GALNT13: variants seen among roughly 807,000 people sequenced by gnomAD.
GALNT13 encodes polypeptide N-acetylgalactosaminyltransferase 13, also known as UDP-GalNAc:polypeptide N-acetylgalactosaminyltransferase 13.
Under a neutral mutation model 64.2 loss-of-function variants are expected in GALNT13, and 28 were observed. That is an observed-to-expected ratio of 0.44 (90% confidence interval 0.32 to 0.60). The LOEUF (loss-of-function observed/expected upper bound fraction) is 0.60, where lower values mean the gene tolerates loss of function less well. Among genes scored for constraint, GALNT13 ranks in the 20% least tolerant of loss-of-function variants. The pLI is 0.05. For missense variants in GALNT13, 577 were observed against 669.8 expected (o/e 0.86, Z 1.53); for synonymous variants, 214 against 224.6 (o/e 0.95, Z 0.42).
chr2:153,277,448 T>C, the GALNT13 span, among the ~76,000 whole-genome samples: 1 of 152,236 alleles, frequency 6.6e-6, no homozygotes, highest in African/African-American at 2.4e-5. Context: ...ATTTACCCAG[T>C]GCACCATTGA....
chr2:154,300,787 G>A (rs1693398119), intron 8 of GALNT13, among the ~76,000 whole-genome samples: 1 of 152,110 alleles, frequency 6.6e-6, no homozygotes, highest in Admixed American at 6.5e-5. Context: ...ATAAGGAAGT[G>A]AATAATTGTA....
chr2:153,443,567 C>T, the GALNT13 span, among the ~76,000 whole-genome samples: 15 of 152,168 alleles, frequency 9.9e-5, no homozygotes, highest in East Asian at 7.7e-4. Flanking sequence ...TTTTTATGTG[C>T]GGAGCACTCT....
chr2:153,892,840 G>A (rs1404846249), intron 1 of GALNT13, among the ~76,000 whole-genome samples: 1 of 151,850 alleles, frequency 6.6e-6, no homozygotes, highest in African/African-American at 2.4e-5. Flanking sequence ...CCTAATGTAT[G>A]CTAGCCAAAT....
chr2:153,854,128 T>C, the GALNT13 span, among the ~76,000 whole-genome samples: 7 of 151,912 alleles, frequency 4.6e-5, no homozygotes, highest in African/African-American at 1.7e-4. Flanking sequence ...AATAACATAA[T>C]TAAGAACCTA....
chr2:153,441,891 A>G, the GALNT13 span, among the ~76,000 whole-genome samples: 1 of 152,180 alleles, frequency 6.6e-6, no homozygotes, highest in Non-Finnish European at 1.5e-5. Context: ...TGTCATCTGC[A>G]GATGGAGACA....
At chr2:153,756,693 G>T in the GALNT13 span, among the ~76,000 whole-genome samples, 3 of 151,892 alleles carry the variant, frequency 2.0e-5, no homozygotes, top group East Asian at 5.8e-4. Flanking sequence ...TGCTTTCCAG[G>T]TTTACCATTT....
the GALNT13 span, among the ~76,000 whole-genome samples, chr2:153,491,186 T>A: frequency 6.6e-6 from 1 of 151,996 alleles, no homozygotes; most frequent in Non-Finnish European, 1.5e-5. Flanking sequence ...CAATAATTAT[T>A]CTTTAACTCA....
chr2:153,226,328 G>T, the GALNT13 span, among the ~76,000 whole-genome samples: 1 of 152,088 alleles, frequency 6.6e-6, no homozygotes, highest in Admixed American at 6.5e-5. Context: ...AATAATAACA[G>T]ATTGGAATAC....
At chr2:154,103,486 A>G (rs1702452752) in intron 3 of GALNT13, among the ~76,000 whole-genome samples, 1 of 152,078 alleles carries the variant, frequency 6.6e-6, no homozygotes, top group Non-Finnish European at 1.5e-5. Context: ...TTCAGAATTT[A>G]TATTTTGGTT....
the GALNT13 span, among the ~76,000 whole-genome samples, chr2:153,083,818 A>G: frequency 1.3e-5 from 2 of 152,226 alleles, no homozygotes; most frequent in East Asian, 1.9e-4. Context: ...GCCTAAGCCA[A>G]TGTCTTGAAG....
the GALNT13 span, among the ~76,000 whole-genome samples, chr2:153,521,562 G>A: frequency 6.6e-6 from 1 of 152,094 alleles, no homozygotes; most frequent in Non-Finnish European, 1.5e-5. Flanking sequence ...AAAGTCCATA[G>A]TTTACATCAG....
intron 3 of GALNT13, among the ~76,000 whole-genome samples, chr2:154,025,306 G>A (rs1697871436): frequency 1.3e-5 from 2 of 152,206 alleles, no homozygotes; most frequent in East Asian, 1.9e-4. Context: ...GGCCATCTTG[G>A]CTCCTCCCCC....
At chr2:154,003,707 T>C (rs1696063508) in intron 3 of GALNT13, among the ~76,000 whole-genome samples, 1 of 152,156 alleles carries the variant, frequency 6.6e-6, no homozygotes, top group South Asian at 2.1e-4. Context: ...GATTGGATCA[T>C]AGGGGAGGTT....
the GALNT13 span, among the ~76,000 whole-genome samples, chr2:153,697,268 T>A: frequency 6.6e-6 from 1 of 152,344 alleles, no homozygotes. Flanking sequence ...TCCTGTGGTG[T>A]CTGCTTTATA....
the GALNT13 span, among the ~76,000 whole-genome samples, chr2:153,321,322 T>A: frequency 6.6e-5 from 10 of 152,328 alleles, no homozygotes; most frequent in East Asian, 1.9e-3. Context: ...CCCAACTGAG[T>A]TGCTAGAAAT....
At chr2:154,426,007 A>C (rs1274692009) in intron 11 of GALNT13, among the ~76,000 whole-genome samples, 1 of 152,192 alleles carries the variant, frequency 6.6e-6, no homozygotes, top group Non-Finnish European at 1.5e-5. Flanking sequence ...AAAACAACAC[A>C]AAATTATTAT....
At chr2:153,266,156 T>G in the GALNT13 span, among the ~76,000 whole-genome samples, 1 of 152,204 alleles carries the variant, frequency 6.6e-6, no homozygotes, top group African/African-American at 2.4e-5. Context: ...AAGCCCACAA[T>G]ATTTCCAAGG....
chr2:154,150,823 C>T (rs1188446459), intron 4 of GALNT13, among the ~76,000 whole-genome samples: 3 of 151,934 alleles, frequency 2.0e-5, no homozygotes, highest in Middle Eastern at 3.2e-3. Context: ...TCTCTCTTTT[C>T]TTCTTTATTA....
At chr2:153,245,608 C>T in the GALNT13 span, among the ~76,000 whole-genome samples, 3 of 152,132 alleles carry the variant, frequency 2.0e-5, no homozygotes, top group Admixed American at 1.3e-4. Flanking sequence ...GAAAAGACCT[C>T]CCCCCCTCCC....
Sources: gnomAD v4.1 joint callset for allele counts (sites outside exome capture counted in the v4.1 genomes callset) on GRCh38, gnomAD v4.1.1 for gene constraint, MANE v1.5 for transcripts, NCBI Gene and HGNC (gene_info 2026-07-23, HGNC 2026-07-21) for gene names.